The following BTBD8 variants were observed in gnomAD, a reference collection of about 807,000 sequenced individuals.
The protein encoded by BTBD8 is BTB domain containing 8, also known as BTB/POZ domain-containing protein 8.
A neutral mutation model predicts 162.9 loss-of-function variants in BTBD8; 110 were observed. The ratio of observed to expected loss-of-function variants is 0.68; its 90% CI spans 0.58 to 0.79. The LOEUF (loss-of-function observed/expected upper bound fraction) is 0.79. Among genes scored for constraint, BTBD8 ranks in the 30% least tolerant of loss-of-function variants. BTBD8 has a pLI of 0.00. For missense variants in BTBD8, 1,905 were observed against 2,085.4 expected (o/e 0.91, Z 1.68); for synonymous variants, 667 against 716.1 (o/e 0.93, Z 1.10).
Position 92,181,063 on chromosome 1 carries a change from A to G in BTBD8, c.3380A>G (p.Gln1127Arg). 1 of 1,551,740 alleles carries G rather than the reference A, an allele frequency of 6.4e-7. No individual in the cohort carries two copies. The highest frequency in any genetic ancestry group is 8.7e-7 in the Non-Finnish European group (1 of 1,146,984). ...CATTTGATATCAGATAGGGAGAACC[A>G]AGTAGGGAGAAAAGATACAAACAAA... Reference protein sequence around the residue: ...QIHLISDRENQVGRKDTNKQS... With the variant: ...QIHLISDRENRVGRKDTNKQS... Residue 1127 changes from glutamine (Q) to arginine (R), a missense_variant, in exon 17 of 18, where the codon CAA becomes CGA. Gln to Arg is a conservative substitution (Grantham distance 43). Around this residue, in one of 3 missense-constraint regions of BTBD8, gnomAD observed 1,374 missense variants for 1,442.7 expected, o/e 0.95. Transcript: ENST00000636805.
chr1:92,176,894 A>G lies in BTBD8; in HGVS notation c.1701A>G (p.Lys567=). 1 of 1,503,746 alleles carries G rather than the reference A, an allele frequency of 6.7e-7. No homozygotes were observed. The highest frequency in any genetic ancestry group is 8.9e-7 in the Non-Finnish European group (1 of 1,127,966). The allele number at this position is 1,503,746 out of a possible 1,614,324, so 93.2% of individuals were successfully genotyped here. ...AATCTTGGAGGGGAAATAACAAGAA[A>G]GAGTGTTGGAGTTATCTCTCTACTA... ...KIKSWRGNNK[K]ECWSYLSTNK... Residue 567 remains lysine, a synonymous_variant, in exon 14 of 18, where the codon AAA becomes AAG. Transcript: ENST00000636805.
In BTBD8 at chr1:92,088,830, T is replaced by C; in HGVS notation, c.282T>C (p.Ser94=). The change falls in exon 2 of 18, where the codon AGT becomes AGC. Residue 94 remains serine (S), a synonymous_variant. Coordinates refer to ENST00000636805, the MANE Select transcript of BTBD8 (RefSeq NM_001376131.1). ...YFHTIGQTSN[S]LTNQEPIAVE... is the part of the protein sequence containing the mutation. ...ATACTATTGGACAGACATCAAATAG[T>C]TTAACAAATCAGGAGCCTATTGCTG... 6.2e-7 allele frequency: 1 copy of C among 1,613,274 alleles called. No individual in the cohort carries two copies. The highest frequency in any genetic ancestry group is 8.5e-7 in the Non-Finnish European group (1 of 1,179,512).
chr1:92,167,746 G>C (rs1159461918), intron 10 of BTBD8, 102 bp from the exon 11 acceptor site: 1 of 874,580 alleles, frequency 1.1e-6, no homozygotes, highest in Non-Finnish European at 1.6e-6. Flanking sequence ...ATTTCTGGTT[G>C]ACTTCATACA....
chr1:92,178,494 G>A (rs763447054), intron 16 of BTBD8, 43 bp downstream of exon 16: 1 of 1,475,562 alleles, frequency 6.8e-7, no homozygotes, highest in Non-Finnish European at 9.1e-7. Context: ...TTATTTCCTT[G>A]TGTAAACTGG....
At chr1:92,132,312 G>A (rs1156287156) in intron 5 of BTBD8, among the ~76,000 whole-genome samples, 2 of 150,796 alleles carry the variant, frequency 1.3e-5, no homozygotes, top group African/African-American at 4.9e-5. Flanking sequence ...GCAAGGGGGT[G>A]TCCTTTTTTT....
At chr1:92,133,703 G>GCTCA (rs1353189482) in intron 5 of BTBD8, among the ~76,000 whole-genome samples, 3 of 152,226 alleles carry the variant, frequency 2.0e-5, no homozygotes, top group Non-Finnish European at 4.4e-5. Flanking sequence ...GGGCACAGTG[G>GCTCA]CTCACGCCTG....
chr1:92,097,631 T>TA (rs1424216869), intron 2 of BTBD8, among the ~76,000 whole-genome samples: 1 of 152,198 alleles, frequency 6.6e-6, no homozygotes, highest in Non-Finnish European at 1.5e-5. Context: ...AATGGAATCA[T>TA]TCAATATATG....
At chr1:92,137,102 G>A (rs1649652607) in intron 5 of BTBD8, among the ~76,000 whole-genome samples, 2 of 152,108 alleles carry the variant, frequency 1.3e-5, no homozygotes, top group South Asian at 4.1e-4. Flanking sequence ...AGTAGCTCAG[G>A]TATAGAAAAT....
At chr1:92,108,146 G>C (rs1488207392) in intron 4 of BTBD8, 145 bp downstream of exon 4, 4 of 781,612 alleles carry the variant, frequency 5.1e-6, no homozygotes, top group Non-Finnish European at 8.6e-6. Flanking sequence ...GTTCCACTGT[G>C]ATTCCTCAGG....
rs372678380 is a variant in BTBD8, at chr1:92,182,150, A to G, written c.4467A>G (p.Ser1489=). 8.8e-4 allele frequency: 1,369 copies of G among 1,551,178 alleles called. No individual in the cohort carries two copies. Among genetic ancestry groups the G allele is most frequent in the Non-Finnish European group, 1.1e-3 (1,259 of 1,146,672 alleles). Residue 1489 remains serine, a synonymous_variant, in exon 17 of 18, where the codon TCA becomes TCG. Transcript: ENST00000636805. Reference sequence around the variant, plus strand: ...GAAGGACCTGCTATTCCAGATTCTCACGAGAAAGTGAAGATAATATTTTAG... The same window carrying G: ...GAAGGACCTGCTATTCCAGATTCTCGCGAGAAAGTGAAGATAATATTTTAG... The part of the protein sequence containing the change: ...HHGRTCYSRF[S]RESEDNILEC...
rs1651014256 is a variant in BTBD8, at chr1:92,184,228, T to A, written c.5277T>A (p.Ser1759=). Residue 1759 remains serine (S), a synonymous_variant, in exon 18 of 18, where the codon TCT becomes TCA. Transcript: ENST00000636805. ...DTLNRWSELT[S]PLDSSASITM... is the part of the protein sequence containing the mutation. ...TGAACAGATGGAGTGAACTAACATC[T>A]CCACTTGATTCCTCAGCGAGCATCA... 1.9e-6 allele frequency: 3 copies of A among 1,551,630 alleles called. No individual in the cohort carries two copies. In the South Asian group the frequency reaches 3.6e-5, roughly 18 times the overall value.
In BTBD8 at chr1:92,146,403, A is replaced by G. The variant is rs1649920840; in HGVS notation, c.931-777A>G. Among the ~76,000 whole-genome samples, 3 of 152,292 alleles carry G rather than the reference A, an allele frequency of 2.0e-5. No individual in the cohort carries two copies. The South Asian group carries it at 6.2e-4, about 32-fold the overall frequency. On this transcript the variant is annotated intron_variant, in intron 7 of 17. Transcript: ENST00000636805. ...ACATGCATAGCTTCCCCCATTATCA[A>G]CGTCCCACACTGGAGTGGTACCTTT...
chr1:92,183,944 G>C lies in BTBD8; in HGVS notation c.4993G>C (p.Glu1665Gln), dbSNP rs369463469. The C allele has an allele frequency of 1.3e-6, 2 of 1,551,560 alleles. No individual in the cohort carries two copies. The highest frequency in any genetic ancestry group is 2.7e-5 in the African/African-American group (2 of 73,122). ...TTCAAAAACCCTGTCTCCAATATAT[G>C]AGATGGATGTAATAGAAGCATTTGA... is the stretch of plus-strand genomic sequence containing the variant. ...RPSKTLSPIY[E>Q]MDVIEAFEQK... is the part of the protein sequence containing the mutation. The change falls in exon 18 of 18, where the codon GAG becomes CAG. Residue 1665 changes from glutamate to glutamine, a missense_variant. Glu to Gln is a conservative substitution (Grantham distance 29). This residue lies in a region of BTBD8 where 517 missense variants were observed against 606.6 expected (regional missense o/e 0.85). Transcript: ENST00000636805.
chr1:92,086,004 G>C (rs149002867), intron 1 of BTBD8, among the ~76,000 whole-genome samples: 275 of 152,328 alleles, frequency 1.8e-3, no homozygotes, highest in African/African-American at 6.3e-3. Context: ...GGATGTAGGG[G>C]TTGAAAGAAA....
chr1:92,112,028 C>A (rs893866346), intron 4 of BTBD8, among the ~76,000 whole-genome samples: 31 of 152,242 alleles, frequency 2.0e-4, no homozygotes, highest in African/African-American at 7.2e-4. Context: ...GTCAATGATA[C>A]ATAAAATATG....
chr1:92,090,233 G>T (rs187736073), intron 2 of BTBD8, among the ~76,000 whole-genome samples: 1 of 152,206 alleles, frequency 6.6e-6, no homozygotes, highest in East Asian at 1.9e-4. Flanking sequence ...TTCCAAACTG[G>T]CTATAATATT....
At chr1:92,173,300 A>C (rs1650608825) in intron 13 of BTBD8, among the ~76,000 whole-genome samples, 1 of 152,198 alleles carries the variant, frequency 6.6e-6, no homozygotes, top group African/African-American at 2.4e-5. Flanking sequence ...AATACTTTTG[A>C]ATTGTTGCAT....
At chr1:92,127,507 G>A (rs1056763639) in intron 4 of BTBD8, among the ~76,000 whole-genome samples, 7 of 152,152 alleles carry the variant, frequency 4.6e-5, no homozygotes, top group Admixed American at 4.6e-4. Flanking sequence ...TCAGTGTCTG[G>A]AGTTTTTCCC....
intron 10 of BTBD8, 36 bp downstream of exon 10, chr1:92,167,176 A>G: frequency 1.9e-6 from 3 of 1,543,018 alleles, no homozygotes; most frequent in Admixed American, 2.0e-5. Flanking sequence ...ATTTAGTTCC[A>G]TCTTTGTGTT....
Sources: allele counts gnomAD v4.1 joint callset (sites outside exome capture counted in the v4.1 genomes callset), GRCh38; gene constraint gnomAD v4.1.1; regional missense constraint gnomAD v4.1.1; transcripts MANE v1.5; gene names NCBI Gene and HGNC (gene_info 2026-07-23, HGNC 2026-07-21).